Variants in SNTG1 observed in about 807,000 individuals in gnomAD.
SNTG1 encodes the protein syntrophin gamma 1.
In SNTG1, 39 loss-of-function variants were observed where a neutral mutation model predicts 74.7. The ratio of observed to expected loss-of-function variants is 0.52; its 90% CI spans 0.40 to 0.68. The LOEUF (loss-of-function observed/expected upper bound fraction) is 0.68, where lower values mean the gene tolerates loss of function less well. Ranked by LOEUF, SNTG1 falls within the 30% of genes least tolerant of loss-of-function variation. The pLI, the probability that SNTG1 is intolerant of heterozygous loss-of-function variation, is 0.00. For missense variants in SNTG1, 685 were observed against 609.5 expected (o/e 1.12, Z -1.30); for synonymous variants, 254 against 217.1 (o/e 1.17, Z -1.49).
intron 13 of SNTG1, among the ~76,000 whole-genome samples, chr8:50,615,782 T>C (rs187640432): frequency 6.6e-6 from 1 of 152,276 alleles, no homozygotes; most frequent in Non-Finnish European, 1.5e-5. Flanking sequence ...GCCACAAAAA[T>C]AGCAGCTGTA....
intron 2 of SNTG1, among the ~76,000 whole-genome samples, chr8:50,237,913 T>A (rs1432915836): frequency 1.3e-5 from 2 of 152,162 alleles, no homozygotes; most frequent in Non-Finnish European, 2.9e-5. Flanking sequence ...CTCTGGCTAC[T>A]CATTACTACT....
intron 2 of SNTG1, among the ~76,000 whole-genome samples, chr8:50,318,599 A>G (rs1025760304): frequency 6.6e-6 from 1 of 152,202 alleles, no homozygotes; most frequent in African/African-American, 2.4e-5. Context: ...AAGGATCTTA[A>G]TGGGGGACAA....
intron 4 of SNTG1, among the ~76,000 whole-genome samples, chr8:50,423,657 G>A (rs778930093): frequency 9.2e-5 from 14 of 152,186 alleles, no homozygotes; most frequent in Non-Finnish European, 1.6e-4. Flanking sequence ...CTATGAAGAA[G>A]GGTAGCTTTC....
intron 2 of SNTG1, among the ~76,000 whole-genome samples, chr8:50,292,068 T>A (rs565754159): frequency 3.3e-5 from 5 of 152,240 alleles, no homozygotes; most frequent in African/African-American, 7.2e-5. Flanking sequence ...AGTCAGTGGG[T>A]TTGAATCTGG....
intron 8 of SNTG1, among the ~76,000 whole-genome samples, chr8:50,473,967 T>G (rs1215767061): frequency 1.4e-5 from 2 of 146,446 alleles, no homozygotes; most frequent in African/African-American, 5.0e-5. Context: ...AGTTTTTAAG[T>G]TTTTTTTTTT....
chr8:50,463,931 T>G (rs2131700386), intron 8 of SNTG1, among the ~76,000 whole-genome samples: 1 of 152,362 alleles, frequency 6.6e-6, no homozygotes, highest in East Asian at 1.9e-4. Flanking sequence ...ACTAGATTTC[T>G]TAATAACTTC....
chr8:50,650,382 A>T (rs2095137441), intron 13 of SNTG1, among the ~76,000 whole-genome samples: 1 of 152,098 alleles, frequency 6.6e-6, no homozygotes, highest in African/African-American at 2.4e-5. Flanking sequence ...TTTTATAAAT[A>T]TTCTTGTCAG....
At chr8:50,425,939 T>C (rs1450812148) in intron 4 of SNTG1, among the ~76,000 whole-genome samples, 2 of 152,064 alleles carry the variant, frequency 1.3e-5, no homozygotes, top group Non-Finnish European at 1.5e-5. Flanking sequence ...CAAAGTAGAG[T>C]GTCTGGCATT....
intron 16 of SNTG1, among the ~76,000 whole-genome samples, chr8:50,707,158 T>C (rs940897754): frequency 6.6e-6 from 1 of 152,078 alleles, no homozygotes; most frequent in South Asian, 2.1e-4. Flanking sequence ...AATTTCATGA[T>C]TATTGAGAAA....
intron 1 of SNTG1, among the ~76,000 whole-genome samples, chr8:49,994,757 A>T (rs1471520700): frequency 6.6e-6 from 1 of 152,096 alleles, no homozygotes; most frequent in Non-Finnish European, 1.5e-5. Context: ...ATGAAAGATG[A>T]CAATGTTTTA....
chr8:50,135,932 T>C (rs1030935664), intron 1 of SNTG1, among the ~76,000 whole-genome samples: 1 of 152,132 alleles, frequency 6.6e-6, no homozygotes, highest in African/African-American at 2.4e-5. Flanking sequence ...GGTCCCACTG[T>C]CTGTTGTTCT....
chr8:50,542,868 T>C (rs914895511), intron 11 of SNTG1, among the ~76,000 whole-genome samples: 3 of 152,212 alleles, frequency 2.0e-5, no homozygotes, highest in African/African-American at 7.2e-5. Flanking sequence ...TTCATATACC[T>C]GTTGACCATA....
chr8:50,760,517 A>G (rs900513364), intron 18 of SNTG1, among the ~76,000 whole-genome samples: 2 of 151,964 alleles, frequency 1.3e-5, no homozygotes, highest in African/African-American at 4.8e-5. Context: ...ATGTTCCATC[A>G]ATAACTAGTT....
intron 2 of SNTG1, among the ~76,000 whole-genome samples, chr8:50,226,887 T>C (rs908598652): frequency 2.0e-5 from 3 of 152,208 alleles, no homozygotes; most frequent in African/African-American, 7.2e-5. Context: ...AGAGTTTGAC[T>C]CTTTTCATCA....
intron 13 of SNTG1, among the ~76,000 whole-genome samples, chr8:50,623,628 CAT>C (rs1229764091): frequency 2.6e-5 from 4 of 151,956 alleles, no homozygotes; most frequent in African/African-American, 9.7e-5. Context: ...TCAATTTTAA[CAT>C]AAAATATATC....
At chr8:50,113,412 G>C (rs967739292) in intron 1 of SNTG1, among the ~76,000 whole-genome samples, 1 of 152,128 alleles carries the variant, frequency 6.6e-6, no homozygotes, top group Non-Finnish European at 1.5e-5. Flanking sequence ...AAGAATGCTT[G>C]TGATTTTTGC....
intron 13 of SNTG1, chr8:50,643,736 T>G (rs1169718703): frequency 6.6e-6 from 1 of 152,192 alleles, no homozygotes; most frequent in African/African-American, 2.4e-5. Context: ...AAAATGTATA[T>G]CAGTGAGTGA....
chr8:49,977,529 C>T (rs1407439694), intron 1 of SNTG1, among the ~76,000 whole-genome samples: 1 of 152,106 alleles, frequency 6.6e-6, no homozygotes, highest in African/African-American at 2.4e-5. Context: ...AAGATCAGAA[C>T]ATTTTCAAAA....
intron 8 of SNTG1, among the ~76,000 whole-genome samples, chr8:50,489,994 C>T (rs1403957471): frequency 1.3e-5 from 2 of 152,186 alleles, no homozygotes; most frequent in Admixed American, 6.5e-5. Flanking sequence ...ATGTGGCTAG[C>T]CAGTTTTCCC....
Sources: gnomAD v4.1 joint callset for allele counts (sites outside exome capture counted in the v4.1 genomes callset) on GRCh38, gnomAD v4.1.1 for gene constraint, MANE v1.5 for transcripts, NCBI Gene and HGNC (gene_info 2026-07-23, HGNC 2026-07-21) for gene names.